PTP4A1: variants seen among roughly 807,000 people sequenced by gnomAD.
PTP4A1 encodes protein tyrosine phosphatase 4A1.
PTP4A1 carries 9 observed loss-of-function variants against 20.5 expected under a neutral mutation model. The ratio of observed to expected loss-of-function variants is 0.44; its 90% CI spans 0.26 to 0.77. PTP4A1 has a LOEUF of 0.77. PTP4A1 is among the 30% of genes least tolerant of loss of function. The pLI, the probability that PTP4A1 is intolerant of heterozygous loss-of-function variation, is 0.19. For missense variants in PTP4A1, 137 were observed against 218.8 expected (o/e 0.63, Z 2.36); for synonymous variants, 78 against 67.4 (o/e 1.16, Z -0.77).
Position 63,549,289 on chromosome 6 carries a change from G to A in PTP4A1, c.-639-1011G>A, listed in dbSNP as rs191339946. ...TGGTTAATCTCAGGAGGCACTTTCAGCCACTTACAGAGGATGGCTCTCTGC... is the reference window on the plus strand; with the variant it reads ...TGGTTAATCTCAGGAGGCACTTTCAACCACTTACAGAGGATGGCTCTCTGC... On this transcript the variant is annotated intron_variant, in intron 2 of 3. Transcript: ENST00000639568. 6.2e-5 allele frequency: 47 copies of A among 753,722 alleles called. 1 individual carries two copies. In the East Asian group the frequency reaches 1.1e-3, roughly 17 times the overall value. 46.7% of individuals were successfully genotyped at this position (753,722 alleles called of 1,614,324 possible).
chr6:63,518,735 C>T (rs555956149), upstream of PTP4A1, among the ~76,000 whole-genome samples: 48 of 152,232 alleles, frequency 3.2e-4, no homozygotes, highest in South Asian at 6.0e-3. Context: ...CAGAATTTTG[C>T]CTTTAATACT....
intron 3 of PTP4A1, among the ~76,000 whole-genome samples, chr6:63,556,866 C>A (rs924342343): frequency 6.6e-6 from 1 of 152,202 alleles, no homozygotes; most frequent in Non-Finnish European, 1.5e-5. Context: ...TTAGGTGATA[C>A]TATCCAAGAT....
Position 63,581,249 on chromosome 6 carries a change from A to G in PTP4A1, c.*1075A>G, listed in dbSNP as rs1309960173. On this transcript the variant is annotated 3_prime_UTR_variant, in exon 6 of 6. Transcript: ENST00000626021. ...TATGCCTTTTGAGCTGTGTAACTTAATATTTGGATACTTGACAATTTGTTT... is the reference window on the plus strand; with the variant it reads ...TATGCCTTTTGAGCTGTGTAACTTAGTATTTGGATACTTGACAATTTGTTT... The G allele has an allele frequency of 6.6e-6, 1 of 152,640 alleles. No individual in the cohort carries two copies. Among genetic ancestry groups the G allele is most frequent in the South Asian group, 2.1e-4 (1 of 4,822 alleles). 9.5% of individuals were successfully genotyped at this position (152,640 alleles called of 1,614,324 possible).
In PTP4A1 at chr6:63,576,975, A is replaced by G; in HGVS notation, c.95A>G (p.Lys32Arg). The change falls in exon 2 of 6, where the codon AAA (lysine) becomes AGA (arginine). Residue 32 changes from lysine (K) to arginine (R), a missense_variant. Physicochemically the swap from Lys to Arg is conservative, Grantham distance 26. Coordinates refer to ENST00000626021, the MANE Select transcript of PTP4A1 (RefSeq NM_003463.5). ...AATCCAACCAATGCGACCTTAAACA[A>G]ATTTATAGAGGTAAGATTTGATATG... The part of the protein sequence containing the change: ...THNPTNATLN[K>R]FIEELKKYGV... 1 of 1,609,088 alleles carries G rather than the reference A, an allele frequency of 6.2e-7. No homozygotes were observed. The highest frequency in any genetic ancestry group is 8.5e-7 in the Non-Finnish European group (1 of 1,175,532).
chr6:63,562,803 T>G (rs1013359859), intron 3 of PTP4A1, among the ~76,000 whole-genome samples: 1 of 152,262 alleles, frequency 6.6e-6, no homozygotes, highest in African/African-American at 2.4e-5. Context: ...TGTCTTTCTC[T>G]AAGCATACTT....
intron 1 of PTP4A1, chr6:63,573,455 C>G (rs528517495): frequency 6.6e-6 from 1 of 152,170 alleles, no homozygotes; most frequent in Admixed American, 6.5e-5. Flanking sequence ...CCTCGGCGCC[C>G]GCGCCTGACT....
upstream of PTP4A1, chr6:63,571,044 TC>T (rs1307896911): frequency 6.6e-6 from 1 of 152,222 alleles, no homozygotes; most frequent in Non-Finnish European, 1.5e-5. Context: ...GGGACATATT[TC>T]TCAAGTGTGC....
intron 3 of PTP4A1, chr6:63,550,627 G>GT (rs1554199110): frequency 6.6e-6 from 1 of 152,390 alleles, no homozygotes; most frequent in Non-Finnish European, 1.5e-5. Flanking sequence ...TTGGTTGGTT[G>GT]GTTGGTTTTT....
intron 2 of PTP4A1, among the ~76,000 whole-genome samples, 173 bp downstream of exon 2, chr6:63,577,158 A>G (rs1278168096): frequency 6.6e-6 from 1 of 152,224 alleles, no homozygotes; most frequent in African/African-American, 2.4e-5. Flanking sequence ...GTACATTTTG[A>G]GAAGGGCATG....
intron 3 of PTP4A1, among the ~76,000 whole-genome samples, chr6:63,560,709 G>T (rs1160150309): frequency 6.6e-6 from 1 of 152,056 alleles, no homozygotes; most frequent in African/African-American, 2.4e-5. Flanking sequence ...CAGCCACAAA[G>T]CCTAATTTTT....
chr6:63,541,802 G>A (rs1177023225), intron 2 of PTP4A1, among the ~76,000 whole-genome samples: 1 of 152,008 alleles, frequency 6.6e-6, no homozygotes, highest in Non-Finnish European at 1.5e-5. Flanking sequence ...CCTTCTGAAA[G>A]CCAACCTCCT....
intron 1 of PTP4A1, among the ~76,000 whole-genome samples, chr6:63,525,091 T>A (rs1382067537): frequency 6.6e-6 from 1 of 152,228 alleles, no homozygotes; most frequent in Admixed American, 6.5e-5. Flanking sequence ...GAAGATGTCC[T>A]GCATCAAATT....
At chr6:63,574,717 T>A (rs896195469) in intron 1 of PTP4A1, among the ~76,000 whole-genome samples, 4 of 152,232 alleles carry the variant, frequency 2.6e-5, no homozygotes, top group African/African-American at 9.6e-5. Context: ...ATTAGAATAC[T>A]GTGATGAGTC....
chr6:63,552,908 T>C (rs1334186055), intron 3 of PTP4A1, among the ~76,000 whole-genome samples: 10 of 152,234 alleles, frequency 6.6e-5, no homozygotes, highest in Non-Finnish European at 1.2e-4. Flanking sequence ...AGTACCGTGC[T>C]GTTTTGGTAC....
At chr6:63,560,635 C>T (rs915535736) in intron 3 of PTP4A1, among the ~76,000 whole-genome samples, 1 of 151,994 alleles carries the variant, frequency 6.6e-6, no homozygotes, top group Non-Finnish European at 1.5e-5. Context: ...AACTCCTGAC[C>T]TCAGGTGATC....
intron 2 of PTP4A1, among the ~76,000 whole-genome samples, chr6:63,536,190 G>C (rs1396065142): frequency 6.6e-6 from 1 of 152,146 alleles, no homozygotes; most frequent in Non-Finnish European, 1.5e-5. Flanking sequence ...AATTAGCTGG[G>C]CGTGGTGGCG....
At chr6:63,574,893 C>G (rs1305096149) in intron 1 of PTP4A1, among the ~76,000 whole-genome samples, 2 of 152,154 alleles carry the variant, frequency 1.3e-5, no homozygotes, top group Non-Finnish European at 2.9e-5. Flanking sequence ...GTAATTTAGA[C>G]ACTTAATTTT....
intron 1 of PTP4A1, among the ~76,000 whole-genome samples, chr6:63,524,038 A>G (rs570292683): frequency 2.0e-5 from 3 of 152,064 alleles, no homozygotes; most frequent in Non-Finnish European, 4.4e-5. Flanking sequence ...CTGGAATGCA[A>G]TGGTGCCATC....
chr6:63,576,791 G>A lies in PTP4A1; in HGVS notation c.-90G>A. 2 of 1,015,068 alleles carry A rather than the reference G, an allele frequency of 2.0e-6. No homozygotes were observed. Among genetic ancestry groups the A allele is most frequent in the Non-Finnish European group, 3.0e-6 (2 of 675,322 alleles). The allele number at this position is 1,015,068 out of a possible 1,614,324, so 62.9% of individuals were successfully genotyped here. A position where few individuals can be genotyped will look rare whatever the true frequency, so the allele number is the denominator to read the frequency against. On this transcript the variant is annotated 5_prime_UTR_variant, in exon 2 of 6. Transcript: ENST00000626021. ...CTGAGAATTTCAAGTGGAGTATATTGAAGTAGACTTCAGTTTCTTTGCATC... is the reference window on the plus strand; with the variant it reads ...CTGAGAATTTCAAGTGGAGTATATTAAAGTAGACTTCAGTTTCTTTGCATC...
Sources: allele counts gnomAD v4.1 joint callset (sites outside exome capture counted in the v4.1 genomes callset), GRCh38; gene constraint gnomAD v4.1.1; transcripts MANE v1.5; gene names NCBI Gene and HGNC (gene_info 2026-07-23, HGNC 2026-07-21).